Variants in LYPD5 observed in about 807,000 individuals in gnomAD.
The protein encoded by LYPD5 is LY6/PLAUR domain containing 5, also known as ly6/PLAUR domain-containing protein 5.
A neutral mutation model predicts 19.1 loss-of-function variants in LYPD5; 21 were observed. The ratio of observed to expected loss-of-function variants is 1.10; its 90% confidence interval spans 0.78 to 1.58. The LOEUF (loss-of-function observed/expected upper bound fraction) is 1.58, where lower values mean the gene tolerates loss of function less well. Among genes scored for constraint, LYPD5 ranks in the 40% most tolerant of loss-of-function variants. The pLI, the probability that LYPD5 is intolerant of heterozygous loss-of-function variation, is 0.00. For missense variants in LYPD5, 287 were observed against 329.8 expected (o/e 0.87, Z 1.00); for synonymous variants, 128 against 142.7 (o/e 0.90, Z 0.74).
At chr19:43,816,890 C>G (rs1332317959) in intron 1 of LYPD5, among the ~76,000 whole-genome samples, 1 of 151,954 alleles carries the variant, frequency 6.6e-6, no homozygotes, top group African/African-American at 2.4e-5. Flanking sequence ...TTGCTTGGCT[C>G]TCATTCTCTT....
intron 4 of LYPD5, among the ~76,000 whole-genome samples, 197 bp downstream of exon 4, chr19:43,798,258 C>T (rs1568402897): frequency 7.7e-6 from 1 of 130,476 alleles, no homozygotes; most frequent in Non-Finnish European, 1.6e-5. Context: ...AGACCAGGGC[C>T]AAATCTTCTC....
chr19:43,797,856 C>T (rs372950873), intron 4 of LYPD5, 27 bp from the exon 5 acceptor site: 28 of 1,545,694 alleles, frequency 1.8e-5, no homozygotes, highest in Middle Eastern at 1.7e-4. Flanking sequence ...CAGTGAGGAA[C>T]GGTCAGAACT....
chr19:43,797,555 G>A lies in LYPD5; in HGVS notation c.*36C>T, dbSNP rs1970149004. 2 of 1,477,314 alleles carry A rather than the reference G, an allele frequency of 1.4e-6. No homozygotes were observed. 91.5% of individuals were successfully genotyped at this position (1,477,314 alleles called of 1,614,324 possible). On this transcript the variant is annotated 3_prime_UTR_variant, in exon 5 of 5. Transcript: ENST00000377950. ...GGGGCTGAAGCAGCAAGAATGAGGT[G>A]TGTGAGCCCTGTCCCCAGCATCCTG...
intron 1 of LYPD5, among the ~76,000 whole-genome samples, chr19:43,818,668 G>A (rs950877558): frequency 2.6e-5 from 4 of 152,164 alleles, no homozygotes; most frequent in Non-Finnish European, 5.9e-5. Context: ...TGCCCATGTA[G>A]AGTTGTTCTG....
At chr19:43,819,988 T>A (rs62118365) in intron 1 of LYPD5, among the ~76,000 whole-genome samples, 14,505 of 152,054 alleles carry the variant, frequency 0.095, 829 homozygotes, top group Non-Finnish European at 0.13. Context: ...CAATACTGTG[T>A]AGCTAGAGAA....
At chr19:43,798,679 C>T (rs1970172221) in intron 3 of LYPD5, 78 bp from the exon 4 acceptor site, 2 of 1,594,876 alleles carry the variant, frequency 1.3e-6, no homozygotes, top group Admixed American at 3.4e-5. Flanking sequence ...GCGCCAGAGC[C>T]CGCGCCTAGC....
At chr19:43,805,334 G>A (rs184651374), upstream of LYPD5, among the ~76,000 whole-genome samples, 5 of 152,188 alleles carry the variant, frequency 3.3e-5, no homozygotes, top group East Asian at 7.7e-4. Flanking sequence ...ATTGTAATGC[G>A]TTTTAAGATA....
chr19:43,806,074 A>G (rs1970268147), upstream of LYPD5, among the ~76,000 whole-genome samples: 1 of 151,726 alleles, frequency 6.6e-6, no homozygotes, highest in Non-Finnish European at 1.5e-5. Flanking sequence ...GGGATCCCCA[A>G]CCCCCGGGGC....
In LYPD5 at chr19:43,798,448, C is replaced by A; in HGVS notation, c.517+7G>T. On this transcript the variant is annotated splice_region_variant and intron_variant, in intron 4 of 4. Coordinates refer to ENST00000377950, the MANE Select transcript of LYPD5 (RefSeq NM_001031749.3). ...GCCCAGGCCCTTCCACCCTTCCAGC[C>A]CCTTACCAACTGTCATTCTGCCATT... 6.2e-7 allele frequency: 1 copy of A among 1,605,140 alleles called. No individual in the cohort carries two copies. The highest frequency in any genetic ancestry group is 1.7e-4 in the Middle Eastern group (1 of 6,060).
At chr19:43,811,134 G>A (rs1970320376) in intron 1 of LYPD5, among the ~76,000 whole-genome samples, 1 of 152,028 alleles carries the variant, frequency 6.6e-6, no homozygotes, top group South Asian at 2.1e-4. Context: ...TGAATATTTT[G>A]AGTTAACTTG....
Position 43,797,509 on chromosome 19 carries a change from T to C in LYPD5, c.*82A>G, listed in dbSNP as rs149479107. 691 of 1,130,206 alleles carry C rather than the reference T, an allele frequency of 6.1e-4. 3 individuals carry two copies. In the African/African-American group the frequency reaches 7.6e-3, roughly 12 times the overall value. 70.0% of individuals were successfully genotyped at this position (1,130,206 alleles called of 1,614,324 possible). A position where few individuals can be genotyped will look rare whatever the true frequency, so the allele number is the denominator to read the frequency against. ...AGTGCAATTCTTACTTTAACATCAT[T>C]TTCCAGTGAGCTATGTGATAGGGGC... On this transcript the variant is annotated 3_prime_UTR_variant, in exon 5 of 5. Coordinates refer to ENST00000377950, the MANE Select transcript of LYPD5 (RefSeq NM_001031749.3).
intron 4 of LYPD5, 62 bp downstream of exon 4, chr19:43,798,393 C>A (rs919497125): frequency 5.0e-6 from 8 of 1,586,652 alleles, no homozygotes; most frequent in East Asian, 2.2e-5. Context: ...GTATCACTAC[C>A]CTCATGGCTG....
chr19:43,819,476 T>C (rs1440846184), intron 1 of LYPD5, among the ~76,000 whole-genome samples: 2 of 152,018 alleles, frequency 1.3e-5, no homozygotes, highest in African/African-American at 4.8e-5. Flanking sequence ...ACAGGAGGGA[T>C]TGGCTTCCTT....
intron 3 of LYPD5, 104 bp downstream of exon 3, chr19:43,798,708 T>A (rs1219095397): frequency 1.9e-6 from 3 of 1,575,212 alleles, no homozygotes; most frequent in African/African-American, 2.7e-5. Flanking sequence ...GGGGTTGGGA[T>A]CCTAGCGCGC....
rs972933532 is a variant in LYPD5, at chr19:43,797,628, A to G, written c.719T>C (p.Leu240Pro). 6.2e-7 allele frequency: 1 copy of G among 1,611,938 alleles called. No homozygotes were observed. Among genetic ancestry groups the G allele is most frequent in the Non-Finnish European group, 8.5e-7 (1 of 1,178,632 alleles). The change falls in exon 5 of 5, where the codon CTC becomes CCC. Residue 240 changes from leucine to proline, a missense_variant. Coordinates refer to ENST00000377950, the MANE Select transcript of LYPD5 (RefSeq NM_001031749.3). ...PPRALQVLAL[L>P]LPVLLLVGLS... is the part of the protein sequence containing the mutation. ...CCCCACCAGCAGGAGGACTGGGAGG[A>G]GCAGGGCCAGGACCTGTAGTGCTCG... is the stretch of plus-strand genomic sequence containing the variant.
In LYPD5 at chr19:43,798,906, C is replaced by G; in HGVS notation, c.276G>C (p.Ala92=). ...GCACCACCGAGTAGTCTGGCGGCAG[C>G]GCGTCCGCGTTCGATTGCGTCTGGC... ...PAGQTQSNAD[A]LPPDYSVVRG... Residue 92 remains alanine (A), a synonymous_variant, in exon 3 of 5, where the codon GCG becomes GCC. Transcript: ENST00000377950. 6.2e-7 allele frequency: 1 copy of G among 1,600,768 alleles called. No homozygotes were observed. Among genetic ancestry groups the G allele is most frequent in the South Asian group, 1.1e-5 (1 of 88,736 alleles).
chr19:43,806,462 A>G (rs1350599929), upstream of LYPD5, among the ~76,000 whole-genome samples: 1 of 152,160 alleles, frequency 6.6e-6, no homozygotes, highest in Non-Finnish European at 1.5e-5. Context: ...CGGGAGTTCA[A>G]GATGAGCCTG....
At chr19:43,800,317 C>T (rs79034051) in intron 1 of LYPD5, among the ~76,000 whole-genome samples, 5,053 of 152,220 alleles carry the variant, frequency 0.033, 133 homozygotes, top group South Asian at 0.054. Context: ...AATAACAACA[C>T]ATACACAGGT....
intron 1 of LYPD5, among the ~76,000 whole-genome samples, chr19:43,811,357 T>C (rs1052911895): frequency 6.6e-6 from 1 of 152,160 alleles, no homozygotes. Flanking sequence ...CTAAATTTTA[T>C]TGCAAACAAA....
Sources: allele counts gnomAD v4.1 joint callset (sites outside exome capture counted in the v4.1 genomes callset), GRCh38; gene constraint gnomAD v4.1.1; transcripts MANE v1.5; gene names NCBI Gene and HGNC (gene_info 2026-07-23, HGNC 2026-07-21).